Variants in GREB1L observed in about 807,000 individuals in gnomAD.
GREB1L encodes GREB1 like retinoic acid receptor coactivator.
Under a neutral mutation model 200.8 loss-of-function variants are expected in GREB1L, and 17 were observed. The observed-to-expected ratio is 0.08, with a 90% confidence interval of 0.06 to 0.13. The LOEUF (loss-of-function observed/expected upper bound fraction) is 0.13, where lower values mean the gene tolerates loss of function less well. Ranked by LOEUF, GREB1L falls within the 10% of genes least tolerant of loss-of-function variation. GREB1L has a pLI of 1.00. For missense variants in GREB1L, 1,657 were observed against 2,367.7 expected (o/e 0.70, Z 6.23); for synonymous variants, 789 against 893.0 (o/e 0.88, Z 2.08).
At chr18:21,306,855 T>C (rs895221452) in intron 1 of GREB1L, among the ~76,000 whole-genome samples, 11 of 152,224 alleles carry the variant, frequency 7.2e-5, no homozygotes, top group African/African-American at 1.4e-4. Flanking sequence ...AAGATCTTTT[T>C]CTTTCCCTTG....
chr18:21,370,125 A>G (rs1219105071), intron 2 of GREB1L, among the ~76,000 whole-genome samples: 1 of 152,208 alleles, frequency 6.6e-6, no homozygotes, highest in Admixed American at 6.6e-5. Flanking sequence ...TTTTGAATGC[A>G]TGGTTAGCTT....
At position 21,522,887 on chromosome 18, in the gene GREB1L, T is replaced by G. The variant is rs185562679; in HGVS notation, c.*66T>G. ...GGATGGGACAGAAACAATTTGGGATTTTTCTTTTTCCTTTAAAGTACAATC... is the reference window on the plus strand; with the variant it reads ...GGATGGGACAGAAACAATTTGGGATGTTTCTTTTTCCTTTAAAGTACAATC... On this transcript the variant is annotated 3_prime_UTR_variant, in exon 33 of 33. Transcript: ENST00000424526. 4.2e-3 allele frequency: 5,860 copies of G among 1,402,018 alleles called. 16 individuals are homozygous for G. The highest frequency in any genetic ancestry group is 5.0e-3 in the Non-Finnish European group (5,298 of 1,050,668). 86.8% of individuals were successfully genotyped at this position (1,402,018 alleles called of 1,614,324 possible). A position where few individuals can be genotyped will look rare whatever the true frequency, so the allele number is the denominator to read the frequency against.
At chr18:21,503,279 T>C (rs2036874123) in intron 23 of GREB1L, among the ~76,000 whole-genome samples, 1 of 151,918 alleles carries the variant, frequency 6.6e-6, no homozygotes, top group Non-Finnish European at 1.5e-5. Flanking sequence ...TGATCTCGGC[T>C]CACTGCAACC....
intron 9 of GREB1L, among the ~76,000 whole-genome samples, 189 bp downstream of exon 9, chr18:21,440,577 T>A (rs2033842519): frequency 6.6e-6 from 1 of 152,206 alleles, no homozygotes; most frequent in Non-Finnish European, 1.5e-5. Context: ...GAATTCAACC[T>A]TTGGCTTAAT....
At chr18:21,255,746 A>ATATT (rs1484932250) in intron 1 of GREB1L, among the ~76,000 whole-genome samples, 1 of 152,198 alleles carries the variant, frequency 6.6e-6, no homozygotes, top group East Asian at 1.9e-4. Flanking sequence ...TACAATATTA[A>ATATT]TATTCTCTAA....
Position 21,384,297 on chromosome 18 carries a change from T to C in GREB1L, c.249T>C (p.Val83=). 6.4e-7 allele frequency: 1 copy of C among 1,550,898 alleles called. No individual in the cohort carries two copies. The highest frequency in any genetic ancestry group is 2.4e-5 in the East Asian group (1 of 40,906). Residue 83 remains valine, a synonymous_variant, in exon 4 of 33, where the codon GTT becomes GTC. Coordinates refer to ENST00000424526, the MANE Select transcript of GREB1L (RefSeq NM_001142966.3). ...GSLDFSNNLT[V]NEMEDDEDDE... ...TGGATTTTTCTAACAATCTAACAGT[T>C]AATGAAATGGAAGATGATGAAGACG...
intron 7 of GREB1L, among the ~76,000 whole-genome samples, chr18:21,423,292 A>T (rs910593443): frequency 5.3e-5 from 8 of 152,178 alleles, no homozygotes; most frequent in African/African-American, 1.4e-4. Flanking sequence ...TTTGTTTAAA[A>T]GCTGTTTGCA....
intron 15 of GREB1L, among the ~76,000 whole-genome samples, chr18:21,459,279 CTTTTTTT>C (rs746568414): frequency 1.3e-4 from 11 of 85,928 alleles, no homozygotes; most frequent in East Asian, 3.8e-4. Context: ...TTTTTCTTTA[CTTTTTTT>C]TTTTTTTTTT....
At chr18:21,402,316 G>A (rs1407207451) in intron 6 of GREB1L, among the ~76,000 whole-genome samples, 1 of 151,792 alleles carries the variant, frequency 6.6e-6, no homozygotes, top group Non-Finnish European at 1.5e-5. Flanking sequence ...GCCTTGTTTT[G>A]GTTGCATAAA....
At chr18:21,488,268 C>G (rs1370767005) in intron 18 of GREB1L, among the ~76,000 whole-genome samples, 20 of 152,148 alleles carry the variant, frequency 1.3e-4, no homozygotes, top group Admixed American at 1.3e-3. Flanking sequence ...TGCACTCCAG[C>G]CTGGGTGACA....
At position 21,414,719 on chromosome 18, in the gene GREB1L, G is replaced by A. The variant is rs181302239; in HGVS notation, c.832+10725G>A. ...TATGTCAGATTTCAAGAGCAGAATCGGGGTAGTAGGAACAGGAAAACAAAG... is the reference window on the plus strand; with the variant it reads ...TATGTCAGATTTCAAGAGCAGAATCAGGGTAGTAGGAACAGGAAAACAAAG... On this transcript the variant is annotated intron_variant, in intron 7 of 32. Coordinates refer to ENST00000424526, the MANE Select transcript of GREB1L (RefSeq NM_001142966.3). 5.3e-5 allele frequency among the ~76,000 whole-genome samples: 8 copies of A among 152,222 alleles called. No individual in the cohort carries two copies. The East Asian group carries it at 1.5e-3, about 29-fold the overall frequency.
chr18:21,485,836 C>A, intron 18 of GREB1L, 83 bp downstream of exon 18: 3 of 1,361,174 alleles, frequency 2.2e-6, no homozygotes, highest in South Asian at 1.4e-5. Flanking sequence ...TGTGTCAGTG[C>A]TACGGGGTGT....
intron 1 of GREB1L, among the ~76,000 whole-genome samples, chr18:21,250,381 A>G (rs1339515573): frequency 6.6e-6 from 1 of 152,176 alleles, no homozygotes; most frequent in Non-Finnish European, 1.5e-5. Context: ...ATTGATCACT[A>G]GACCCACTAA....
chr18:21,513,782 G>C (rs2037322696), intron 27 of GREB1L, 39 bp from the exon 28 acceptor site: 2 of 1,537,084 alleles, frequency 1.3e-6, no homozygotes, highest in East Asian at 4.9e-5. Flanking sequence ...CTGAGTGAAG[G>C]ATGTGTGGAT....
chr18:21,295,445 G>A lies in GREB1L; in HGVS notation c.-120+53052G>A, dbSNP rs541005524. 1.2e-4 allele frequency among the ~76,000 whole-genome samples: 19 copies of A among 152,264 alleles called. No individual in the cohort carries two copies. The South Asian group carries it at 3.1e-3, about 25-fold the overall frequency. On this transcript the variant is annotated intron_variant, in intron 1 of 32. Transcript: ENST00000424526. Reference sequence around the variant, plus strand: ...AGGAACTGGATATCTGCACCTGTACGGCAGGCAGGGTCAAGTCCTGAAAAT... The same window carrying A: ...AGGAACTGGATATCTGCACCTGTACAGCAGGCAGGGTCAAGTCCTGAAAAT...
chr18:21,427,956 G>T (rs56193648), intron 7 of GREB1L, among the ~76,000 whole-genome samples: 26 of 151,018 alleles, frequency 1.7e-4, no homozygotes, highest in Admixed American at 5.3e-4. Flanking sequence ...TTTGGGAGGC[G>T]GAGGCGGGTG....
At chr18:21,495,986 T>A (rs2036529028) in intron 20 of GREB1L, among the ~76,000 whole-genome samples, 1 of 152,170 alleles carries the variant, frequency 6.6e-6, no homozygotes, top group African/African-American at 2.4e-5. Context: ...CCAGCAATTT[T>A]GGGAATGGGC....
intron 14 of GREB1L, among the ~76,000 whole-genome samples, chr18:21,453,137 T>C (rs1424451117): frequency 6.6e-6 from 1 of 152,228 alleles, no homozygotes; most frequent in African/African-American, 2.4e-5. Flanking sequence ...GATTCCGGAG[T>C]ACATTCTTGG....
chr18:21,391,935 G>T (rs1041417038), intron 4 of GREB1L, among the ~76,000 whole-genome samples: 2 of 151,942 alleles, frequency 1.3e-5, no homozygotes, highest in African/African-American at 4.8e-5. Flanking sequence ...TCAGCCTCCC[G>T]AGTGCCTGGG....
Sources: gnomAD v4.1 joint callset for allele counts (sites outside exome capture counted in the v4.1 genomes callset) on GRCh38, gnomAD v4.1.1 for gene constraint, MANE v1.5 for transcripts, NCBI Gene and HGNC (gene_info 2026-07-23, HGNC 2026-07-21) for gene names.